FRAS1: variants seen among roughly 807,000 people sequenced by gnomAD.
The protein encoded by FRAS1 is extracellular matrix organizing protein FRAS1.
Under a neutral mutation model 435.2 loss-of-function variants are expected in FRAS1, and 290 were observed. The ratio of observed to expected loss-of-function variants is 0.67; its 90% CI spans 0.61 to 0.73. The LOEUF is 0.73. FRAS1 is among the 30% of genes least tolerant of loss of function. The probability of loss-of-function intolerance (pLI) is 0.00; values close to 1 mark genes in which losing one functional copy is unlikely to be tolerated. For synonymous variants in FRAS1, 1,800 were observed against 1,851.0 expected (o/e 0.97, Z 0.71); for missense variants, 4,860 against 5,001.5 (o/e 0.97, Z 0.85).
chr4:78,227,803 A>G (rs1455205282), intron 2 of FRAS1, among the ~76,000 whole-genome samples: 1 of 152,242 alleles, frequency 6.6e-6, no homozygotes, highest in Non-Finnish European at 1.5e-5. Flanking sequence ...TGGCTACTGC[A>G]GCAGCAAGGA....
intron 9 of FRAS1, among the ~76,000 whole-genome samples, 174 bp from the exon 10 acceptor site, chr4:78,278,481 A>G (rs1182765806): frequency 2.0e-5 from 3 of 152,206 alleles, no homozygotes; most frequent in African/African-American, 7.2e-5. Context: ...TGCTGTGTGG[A>G]CTACACTTCC....
At chr4:78,323,865 T>C (rs1729608753) in intron 18 of FRAS1, among the ~76,000 whole-genome samples, 1 of 152,174 alleles carries the variant, frequency 6.6e-6, no homozygotes, top group Non-Finnish European at 1.5e-5. Context: ...AAGGTTTAAT[T>C]ATTTTGAAGA....
intron 29 of FRAS1, among the ~76,000 whole-genome samples, chr4:78,388,779 G>C (rs577885600): frequency 6.6e-6 from 1 of 152,168 alleles, no homozygotes; most frequent in African/African-American, 2.4e-5. Context: ...CTGTACTCCA[G>C]CGTGGATGAC....
chr4:78,079,344 G>A (rs1474568633), intron 2 of FRAS1, among the ~76,000 whole-genome samples: 1 of 152,086 alleles, frequency 6.6e-6, no homozygotes, highest in East Asian at 1.9e-4. Flanking sequence ...AGAAAACCAA[G>A]AATGGACCAG....
intron 3 of FRAS1, among the ~76,000 whole-genome samples, chr4:78,238,614 T>C (rs1030674236): frequency 2.0e-5 from 3 of 152,092 alleles, no homozygotes; most frequent in Admixed American, 6.6e-5. Flanking sequence ...CTTTAAGTAT[T>C]GGCAAATTTG....
chr4:78,283,958 G>T (rs1190034134), intron 12 of FRAS1, among the ~76,000 whole-genome samples: 4 of 152,150 alleles, frequency 2.6e-5, no homozygotes, highest in African/African-American at 9.7e-5. Context: ...AGAAAATGGG[G>T]TGCATTTTTC....
At chr4:78,108,815 GT>G (rs1478959400) in intron 2 of FRAS1, among the ~76,000 whole-genome samples, 1 of 122,938 alleles carries the variant, frequency 8.1e-6, no homozygotes, top group Non-Finnish European at 1.7e-5. Flanking sequence ...CCAGGAGCTG[GT>G]TTTTTGAAAG....
chr4:78,523,481 G>A (rs1721449512), intron 69 of FRAS1, among the ~76,000 whole-genome samples: 1 of 151,958 alleles, frequency 6.6e-6, no homozygotes, highest in South Asian at 2.1e-4. Flanking sequence ...TCTGTAAAAG[G>A]GAAGAATGGA....
chr4:78,516,246 C>T (rs1017176967), intron 66 of FRAS1, among the ~76,000 whole-genome samples: 2 of 152,186 alleles, frequency 1.3e-5, no homozygotes, highest in Admixed American at 6.5e-5. Flanking sequence ...GGCATACTCA[C>T]TTATGTAAAA....
At position 78,315,741 on chromosome 4, in the gene FRAS1, G is replaced by T. The variant is rs1171264609; in HGVS notation, c.1819+7G>T. ...GCCACTGGCAGGTGCAAAGGTAAGAGATGGGTCACCATCATCATCATCAAA... is the reference window on the plus strand; with the variant it reads ...GCCACTGGCAGGTGCAAAGGTAAGATATGGGTCACCATCATCATCATCAAA... On this transcript the variant is annotated splice_region_variant and intron_variant, in intron 16 of 73. Coordinates refer to ENST00000512123, the MANE Select transcript of FRAS1 (RefSeq NM_025074.7). 1.2e-6 allele frequency: 2 copies of T among 1,613,826 alleles called. No homozygotes were observed. The highest frequency in any genetic ancestry group is 1.7e-6 in the Non-Finnish European group (2 of 1,179,842).
chr4:78,356,156 TTCTG>T (rs1011100525), intron 20 of FRAS1, among the ~76,000 whole-genome samples: 21 of 152,298 alleles, frequency 1.4e-4, no homozygotes, highest in African/African-American at 5.1e-4. Context: ...ACGGGGGTAG[TTCTG>T]TCTCTTTATT....
At chr4:78,442,153 A>G (rs990641504) in intron 41 of FRAS1, among the ~76,000 whole-genome samples, 3 of 152,244 alleles carry the variant, frequency 2.0e-5, no homozygotes, top group African/African-American at 7.2e-5. Flanking sequence ...AGCAGTGGTC[A>G]TGTTTTCCTA....
At position 78,114,843 on chromosome 4, in the gene FRAS1, C is replaced by T. The variant is rs185695311; in HGVS notation, c.108+48827C>T. Among the ~76,000 whole-genome samples the T allele has an allele frequency of 1.7e-3, 265 of 152,294 alleles. 4 individuals are homozygous for T. The highest frequency in any genetic ancestry group is 5.6e-3 in the East Asian group (29 of 5,192). On this transcript the variant is annotated intron_variant, in intron 2 of 73. Transcript: ENST00000512123. ...TATTTCCTTCTCCTGCCTGATTGCCCTGGCCAGAACTTCCAACACTATGTT... is the reference window on the plus strand; with the variant it reads ...TATTTCCTTCTCCTGCCTGATTGCCTTGGCCAGAACTTCCAACACTATGTT...
rs1733157997 is a variant in FRAS1, at chr4:78,407,762, C to A, written c.4229C>A (p.Thr1410Asn). 2 of 1,613,778 alleles carry A rather than the reference C, an allele frequency of 1.2e-6. No individual in the cohort carries two copies. Among genetic ancestry groups the A allele is most frequent in the Non-Finnish European group, 1.7e-6 (2 of 1,179,834 alleles). The change falls in exon 31 of 74, where the codon ACC becomes AAC. Residue 1410 changes from threonine to asparagine, a missense_variant. Physicochemically the swap from Thr to Asn is moderately conservative, Grantham distance 65. Transcript: ENST00000512123. ...ACAGCTACCCCCACCAGCACCTTCA[C>A]CCAGCAGGACATCAATGAAGGCATC... ...GRTATPTSTF[T>N]QQDINEGIVW...
chr4:78,193,774 T>G (rs1560573806), intron 2 of FRAS1, among the ~76,000 whole-genome samples: 2 of 152,190 alleles, frequency 1.3e-5, no homozygotes, highest in African/African-American at 4.8e-5. Context: ...CATTTACATT[T>G]AAGGTTAATA....
chr4:78,280,058 T>C (rs904462333), intron 10 of FRAS1, among the ~76,000 whole-genome samples: 2 of 152,248 alleles, frequency 1.3e-5, no homozygotes, highest in Non-Finnish European at 2.9e-5. Context: ...TGTTTTTACT[T>C]CTTCACAGTT....
At chr4:78,124,710 T>C (rs1719240590) in intron 2 of FRAS1, among the ~76,000 whole-genome samples, 2 of 152,232 alleles carry the variant, frequency 1.3e-5, no homozygotes, top group South Asian at 2.1e-4. Context: ...TGGGAGGGTG[T>C]ATGTGTCCAG....
At chr4:78,433,062 T>A (rs984145203) in intron 38 of FRAS1, among the ~76,000 whole-genome samples, 2 of 152,116 alleles carry the variant, frequency 1.3e-5, no homozygotes, top group Non-Finnish European at 2.9e-5. Flanking sequence ...TGCTGAAAAA[T>A]CCCTGCAGCA....
intron 18 of FRAS1, chr4:78,319,347 T>C: frequency 2.2e-6 from 1 of 462,338 alleles, no homozygotes; most frequent in Non-Finnish European, 4.3e-6. Flanking sequence ...TGAATATGAA[T>C]TGGTCCCTTC....
Sources: gnomAD v4.1 joint callset for allele counts (sites outside exome capture counted in the v4.1 genomes callset) on GRCh38, gnomAD v4.1.1 for gene constraint, MANE v1.5 for transcripts, NCBI Gene and HGNC (gene_info 2026-07-23, HGNC 2026-07-21) for gene names.